KDM4C: variants seen among roughly 807,000 people sequenced by gnomAD.
The protein encoded by KDM4C is lysine-specific demethylase 4C.
Under a neutral mutation model 129.3 loss-of-function variants are expected in KDM4C, and 81 were observed. The ratio of observed to expected loss-of-function variants is 0.63; its 90% CI spans 0.52 to 0.75. The LOEUF (loss-of-function observed/expected upper bound fraction) is 0.75. Among genes scored for constraint, KDM4C ranks in the 30% least tolerant of loss-of-function variants. The pLI is 0.00. For missense variants in KDM4C, 1,457 were observed against 1,304.0 expected, an observed-to-expected ratio of 1.12 and a Z score of -1.81; for synonymous variants, 573 against 456.1, an observed-to-expected ratio of 1.26 and a Z score of -3.26.
chr9:6,838,002 C>T (rs1328635275), intron 4 of KDM4C, among the ~76,000 whole-genome samples: 1 of 152,048 alleles, frequency 6.6e-6, no homozygotes, highest in Non-Finnish European at 1.5e-5. Context: ...TGTTAATGTC[C>T]TAAATATTAT....
At chr9:7,069,872 A>T (rs200117524) in intron 17 of KDM4C, among the ~76,000 whole-genome samples, 1 of 152,254 alleles carries the variant, frequency 6.6e-6, no homozygotes, top group East Asian at 1.9e-4. Flanking sequence ...AATTGAGAAT[A>T]TATTAAGGTT....
intron 5 of KDM4C, among the ~76,000 whole-genome samples, chr9:6,853,024 G>T (rs1405403522): frequency 1.3e-5 from 2 of 151,028 alleles, no homozygotes; most frequent in African/African-American, 4.9e-5. Flanking sequence ...CCATGGTTTT[G>T]TTTTTTTTGT....
chr9:7,109,573 A>G (rs889875490), intron 18 of KDM4C, among the ~76,000 whole-genome samples: 5 of 152,246 alleles, frequency 3.3e-5, no homozygotes, highest in African/African-American at 1.2e-4. Flanking sequence ...ACGGGTGGTC[A>G]GATGATTGTG....
At position 7,163,048 on chromosome 9, in the gene KDM4C, C is replaced by CTA. The variant is rs1554767251; in HGVS notation, c.2782-2190_2782-2189insTA. Reference sequence around the variant, plus strand: ...TAGACAGGCTTACCTAGTGATGGGCCGTGCAGGAAAGTGCAGGCTCCTCTC... The same window carrying CTA: ...TAGACAGGCTTACCTAGTGATGGGCCTAGTGCAGGAAAGTGCAGGCTCCTCTC... On this transcript the variant is annotated intron_variant, in intron 19 of 21. Transcript: ENST00000381309. 3.9e-5 allele frequency among the ~76,000 whole-genome samples: 6 copies of CTA among 152,084 alleles called. No individual in the cohort carries two copies. In the East Asian group the frequency reaches 1.2e-3, roughly 30 times the overall value.
chr9:7,160,506 G>A (rs1351248368), intron 19 of KDM4C, among the ~76,000 whole-genome samples: 4 of 152,136 alleles, frequency 2.6e-5, no homozygotes, highest in Non-Finnish European at 4.4e-5. Flanking sequence ...CCTACAGATC[G>A]GGTTTTGGCG....
intron 1 of KDM4C, among the ~76,000 whole-genome samples, chr9:6,732,320 A>C (rs4742254): frequency 5.8e-5 from 8 of 138,940 alleles, no homozygotes; most frequent in East Asian, 2.2e-4. Flanking sequence ...AGCTGAGATC[A>C]TGCCACTGCA....
At chr9:6,936,964 T>C (rs1824913916) in intron 8 of KDM4C, among the ~76,000 whole-genome samples, 1 of 152,222 alleles carries the variant, frequency 6.6e-6, no homozygotes, top group African/African-American at 2.4e-5. Flanking sequence ...GACTTGGTTT[T>C]AGTTACAGAT....
At chr9:6,916,602 T>A (rs1050439448) in intron 8 of KDM4C, among the ~76,000 whole-genome samples, 2 of 152,234 alleles carry the variant, frequency 1.3e-5, no homozygotes, top group African/African-American at 4.8e-5. Context: ...CAGATGAAAT[T>A]CTTTTTCTTT....
chr9:7,118,675 G>A (rs1247613186), intron 18 of KDM4C, among the ~76,000 whole-genome samples: 1 of 152,148 alleles, frequency 6.6e-6, no homozygotes, highest in African/African-American at 2.4e-5. Context: ...CTGCTCTTTG[G>A]CCTGTACGTC....
intron 4 of KDM4C, among the ~76,000 whole-genome samples, chr9:6,815,339 A>G (rs1047303202): frequency 9.2e-5 from 14 of 152,000 alleles, no homozygotes; most frequent in African/African-American, 2.9e-4. Flanking sequence ...GAAACCTTCT[A>G]TGCCCTCTCT....
intron 4 of KDM4C, among the ~76,000 whole-genome samples, chr9:6,840,893 T>G (rs1211553039): frequency 1.3e-5 from 2 of 152,214 alleles, no homozygotes. Flanking sequence ...AGCTCTACAG[T>G]TAGCAAGCTT....
chr9:6,840,958 A>G (rs1338624057), intron 4 of KDM4C, among the ~76,000 whole-genome samples: 1 of 152,208 alleles, frequency 6.6e-6, no homozygotes, highest in South Asian at 2.1e-4. Flanking sequence ...AAAGACCAAG[A>G]GCACATCTAA....
At chr9:6,721,603 TC>T (rs1816957325) in intron 1 of KDM4C, among the ~76,000 whole-genome samples, 2 of 124,748 alleles carry the variant, frequency 1.6e-5, no homozygotes. Flanking sequence ...TTTTTTTTTT[TC>T]CTGAGACGGA....
intron 17 of KDM4C, among the ~76,000 whole-genome samples, chr9:7,079,108 A>G (rs1834244280): frequency 6.6e-6 from 1 of 152,242 alleles, no homozygotes; most frequent in Non-Finnish European, 1.5e-5. Flanking sequence ...AATGGTGGCA[A>G]GCTTCCTGAA....
intron 4 of KDM4C, among the ~76,000 whole-genome samples, chr9:6,824,715 T>C (rs1448078495): frequency 6.6e-6 from 1 of 151,800 alleles, no homozygotes; most frequent in Admixed American, 6.6e-5. Flanking sequence ...TCAACATACA[T>C]TATTTTATAC....
chr9:7,011,830 G>A lies in KDM4C; in HGVS notation c.1919G>A (p.Arg640Lys). ...AEQEYNATVA[R>K]MKPHCAICTL... ...CAAGAGTATAATGCAACAGTGGCCAGGATGAAGCCACACTGTGCCATCTGC... is the reference window on the plus strand; with the variant it reads ...CAAGAGTATAATGCAACAGTGGCCAAGATGAAGCCACACTGTGCCATCTGC... The change falls in exon 13 of 22, where the codon AGG (arginine) becomes AAG (lysine). Residue 640 changes from arginine to lysine, a missense_variant. By Grantham distance (26) the Arg-to-Lys change is conservative (BLOSUM62 2). Transcript: ENST00000381309. 1 of 1,614,058 alleles carries A rather than the reference G, an allele frequency of 6.2e-7. No homozygotes were observed. Among genetic ancestry groups the A allele is most frequent in the Non-Finnish European group, 8.5e-7 (1 of 1,179,972 alleles).
At chr9:7,090,161 G>A (rs1835628816) in intron 17 of KDM4C, among the ~76,000 whole-genome samples, 1 of 152,170 alleles carries the variant, frequency 6.6e-6, no homozygotes, top group Non-Finnish European at 1.5e-5. Flanking sequence ...TTTGATAGAT[G>A]CACTTATAAC....
chr9:6,956,879 C>T (rs939074831), intron 8 of KDM4C, among the ~76,000 whole-genome samples: 4 of 152,092 alleles, frequency 2.6e-5, no homozygotes, highest in South Asian at 2.1e-4. Flanking sequence ...TCAGCTGGAG[C>T]GCTATAGTTT....
intron 4 of KDM4C, chr9:6,834,600 G>A (rs1835520864): frequency 8.0e-6 from 6 of 746,718 alleles, no homozygotes; most frequent in Middle Eastern, 6.2e-4. Context: ...GGCATGGGTC[G>A]GAAGGACTCC....
Sources: allele counts gnomAD v4.1 joint callset (sites outside exome capture counted in the v4.1 genomes callset), GRCh38; gene constraint gnomAD v4.1.1; transcripts MANE v1.5; gene names NCBI Gene and HGNC (gene_info 2026-07-23, HGNC 2026-07-21).